The following CDKAL1 variants were observed in gnomAD, a reference collection of about 807,000 sequenced individuals.
CDKAL1 encodes threonylcarbamoyladenosine tRNA methylthiotransferase.
A neutral mutation model predicts 68.2 loss-of-function variants in CDKAL1; 32 were observed. The ratio of observed to expected loss-of-function variants is 0.47; its 90% CI spans 0.35 to 0.63. The LOEUF is 0.63. Among genes scored for constraint, CDKAL1 ranks in the 30% least tolerant of loss-of-function variants. The pLI is 0.00. For synonymous variants in CDKAL1, 234 were observed against 244.3 expected, an observed-to-expected ratio of 0.96 and a Z score of 0.39; for missense variants, 606 against 696.7, an observed-to-expected ratio of 0.87 and a Z score of 1.47.
intron 8 of CDKAL1, among the ~76,000 whole-genome samples, chr6:20,814,763 T>C (rs1011930745): frequency 1.3e-4 from 20 of 152,226 alleles, no homozygotes; most frequent in African/African-American, 4.3e-4. Flanking sequence ...GCCCCTGTAG[T>C]TCCTGTACAT....
chr6:20,682,562 C>T (rs945056648), intron 5 of CDKAL1, among the ~76,000 whole-genome samples: 1 of 100,816 alleles, frequency 9.9e-6, no homozygotes, highest in Admixed American at 9.7e-5. Context: ...AATGAGATCT[C>T]GTGATAACTC....
chr6:20,862,450 C>A (rs1402930880), intron 9 of CDKAL1, among the ~76,000 whole-genome samples: 1 of 152,100 alleles, frequency 6.6e-6, no homozygotes, highest in African/African-American at 2.4e-5. Flanking sequence ...TTACTAAATA[C>A]CTGAAAATTA....
At chr6:21,097,039 A>T (rs775497810) in intron 12 of CDKAL1, among the ~76,000 whole-genome samples, 15 of 152,244 alleles carry the variant, frequency 9.9e-5, no homozygotes, top group Non-Finnish European at 1.8e-4. Context: ...GGAAAGTAAA[A>T]TTCAGCAAGA....
In CDKAL1 at chr6:20,785,314, CTTT is replaced by C. The variant is rs5874783; in HGVS notation, c.638+4066_638+4068del. On this transcript the variant is annotated intron_variant, in intron 8 of 15. Transcript: ENST00000274695. ...AACATATTAGCTTGGATTTCTTTTT[CTTT>C]TTTTTTTTTTTTTTTTGAGATGGAG... Among the ~76,000 whole-genome samples the C allele has an allele frequency of 8.3e-3, 794 of 96,064 alleles. 2 individuals carry two copies. The highest frequency in any genetic ancestry group is 0.011 in the Non-Finnish European group (528 of 46,670). The allele number at this position is 96,064 out of a possible 152,430, so 63.0% of individuals were successfully genotyped here.
chr6:20,916,752 C>A (rs1762739695), intron 9 of CDKAL1, among the ~76,000 whole-genome samples: 1 of 152,178 alleles, frequency 6.6e-6, no homozygotes, highest in Admixed American at 6.5e-5. Flanking sequence ...TCCAAAAAGG[C>A]TATCACTAAG....
chr6:20,947,452 G>A (rs1315422697), intron 9 of CDKAL1, among the ~76,000 whole-genome samples: 1 of 152,036 alleles, frequency 6.6e-6, no homozygotes, highest in Non-Finnish European at 1.5e-5. Flanking sequence ...TTTGCCAGGT[G>A]TGGTGCCATG....
intron 9 of CDKAL1, among the ~76,000 whole-genome samples, chr6:20,851,409 A>C (rs1759004895): frequency 6.6e-6 from 1 of 152,194 alleles, no homozygotes. Flanking sequence ...CAGTTGTATA[A>C]GTGATGGAGC....
At chr6:20,859,036 T>C (rs1477599290) in intron 9 of CDKAL1, among the ~76,000 whole-genome samples, 1 of 152,094 alleles carries the variant, frequency 6.6e-6, no homozygotes, top group Non-Finnish European at 1.5e-5. Context: ...CATTTTTTAG[T>C]ATAGGAAATT....
intron 8 of CDKAL1, among the ~76,000 whole-genome samples, chr6:20,823,551 A>G (rs1777376057): frequency 6.6e-6 from 1 of 152,236 alleles, no homozygotes; most frequent in Non-Finnish European, 1.5e-5. Context: ...TTAATTTTAC[A>G]TAAACATGCT....
chr6:20,723,844 G>C (rs1472580249), intron 5 of CDKAL1, among the ~76,000 whole-genome samples: 1 of 152,110 alleles, frequency 6.6e-6, no homozygotes, highest in Non-Finnish European at 1.5e-5. Context: ...CAGAGGTTGG[G>C]GAATTTTGTG....
chr6:20,687,269 AT>A (rs975824902), intron 5 of CDKAL1, among the ~76,000 whole-genome samples: 11 of 152,302 alleles, frequency 7.2e-5, no homozygotes, highest in African/African-American at 2.6e-4. Context: ...TAAAAAAAAT[AT>A]GGTAACATTC....
chr6:20,976,257 A>G (rs573154378), intron 10 of CDKAL1, among the ~76,000 whole-genome samples: 2 of 152,298 alleles, frequency 1.3e-5, no homozygotes, highest in East Asian at 1.9e-4. Context: ...ACTTATCACT[A>G]TAGTAGAATT....
intron 10 of CDKAL1, among the ~76,000 whole-genome samples, chr6:20,981,176 GATTAT>G (rs778257061): frequency 6.6e-6 from 1 of 152,166 alleles, no homozygotes. Flanking sequence ...TATAATCAGT[GATTAT>G]GAGAAATCAA....
intron 9 of CDKAL1, among the ~76,000 whole-genome samples, chr6:20,887,111 G>A (rs1202388745): frequency 6.6e-6 from 1 of 152,172 alleles, no homozygotes; most frequent in African/African-American, 2.4e-5. Context: ...ATGCAAATGT[G>A]AATTACAATA....
chr6:21,074,181 A>G (rs117836376), intron 12 of CDKAL1, among the ~76,000 whole-genome samples: 1 of 152,280 alleles, frequency 6.6e-6, no homozygotes, highest in East Asian at 1.9e-4. Flanking sequence ...CTCCCTCAGA[A>G]TCATGTACCA....
At chr6:20,845,030 A>T (rs539846965) in intron 8 of CDKAL1, among the ~76,000 whole-genome samples, 1 of 152,368 alleles carries the variant, frequency 6.6e-6, no homozygotes, top group East Asian at 1.9e-4. Flanking sequence ...TAAGGATCCC[A>T]TGCGAAAATT....
At chr6:21,043,864 C>G (rs1386113827) in intron 11 of CDKAL1, among the ~76,000 whole-genome samples, 2 of 152,178 alleles carry the variant, frequency 1.3e-5, no homozygotes, top group Non-Finnish European at 2.9e-5. Context: ...GGACCTTTAG[C>G]TGTGATGAGA....
chr6:20,906,288 T>G (rs1762228703), intron 9 of CDKAL1, among the ~76,000 whole-genome samples: 1 of 152,160 alleles, frequency 6.6e-6, no homozygotes, highest in Admixed American at 6.5e-5. Flanking sequence ...GGTATAATTT[T>G]GTAACATAAG....
chr6:20,723,186 G>A (rs2127847800), intron 5 of CDKAL1, among the ~76,000 whole-genome samples: 1 of 152,318 alleles, frequency 6.6e-6, no homozygotes, highest in African/African-American at 2.4e-5. Flanking sequence ...TGGAACTAAA[G>A]GAGCACTGTA....
Sources: gnomAD v4.1 joint callset for allele counts (sites outside exome capture counted in the v4.1 genomes callset) on GRCh38, gnomAD v4.1.1 for gene constraint, MANE v1.5 for transcripts, NCBI Gene and HGNC (gene_info 2026-07-23, HGNC 2026-07-21) for gene names.